TRIM46: variants seen among roughly 807,000 people sequenced by gnomAD.
The protein encoded by TRIM46 is tripartite motif-containing protein 46.
In TRIM46, 17 loss-of-function variants were observed where a neutral mutation model predicts 69.7. The ratio of observed to expected loss-of-function variants is 0.24; its 90% CI spans 0.17 to 0.37. TRIM46 has a LOEUF of 0.37. Among genes scored for constraint, TRIM46 ranks in the 10% least tolerant of loss-of-function variants. The pLI, the probability that TRIM46 is intolerant of heterozygous loss-of-function variation, is 1.00. For synonymous variants in TRIM46, 391 were observed against 429.0 expected (o/e 0.91, Z 1.09); for missense variants, 675 against 1,025.1 (o/e 0.66, Z 4.66).
Position 155,175,953 on chromosome 1 carries a change from C to G in TRIM46, c.391C>G (p.Pro131Ala), listed in dbSNP as rs147520018. 2.2e-5 allele frequency: 35 copies of G among 1,608,900 alleles called. No individual in the cohort carries two copies. In the Middle Eastern group the frequency reaches 1.7e-3, roughly 76 times the overall value. ...CCCCCAAGTGATCATGTTCCCGTGC[C>G]CAGCCTGCCAAGGTGATGTGGAGCT... is the stretch of plus-strand genomic sequence containing the variant. ...LHPQVIMFPC[P>A]ACQGDVELGE... Residue 131 changes from proline (P) to alanine (A), a missense_variant, in exon 3 of 10, where the codon CCA (proline) becomes GCA (alanine). Transcript: ENST00000334634. This position sits in a 1 kb window ranked among gnomAD's most constrained non-coding sequence, Gnocchi z 4.2.
chr1:155,177,191 T>G lies in TRIM46; in HGVS notation c.814-4T>G, dbSNP rs1360260345. ...TTGATGCCCACCTCTTTCTTCCCCC[T>G]CAGGACAAGCTGACAAAGAGCCTGA... On this transcript the variant is annotated splice_region_variant and splice_polypyrimidine_tract_variant and intron_variant, in intron 4 of 9. Transcript: ENST00000334634. 1.9e-6 allele frequency: 3 copies of G among 1,613,996 alleles called. No homozygotes were observed.
chr1:155,176,673 A>G (rs1212325008), intron 3 of TRIM46, among the ~76,000 whole-genome samples: 1 of 152,254 alleles, frequency 6.6e-6, no homozygotes, highest in African/African-American at 2.4e-5. Flanking sequence ...AATTGGCATC[A>G]TTATTACTGT....
intron 9 of TRIM46, chr1:155,182,586 A>T (rs1666246345): frequency 4.6e-6 from 1 of 217,590 alleles, no homozygotes; most frequent in African/African-American, 2.3e-5. Flanking sequence ...CACGCCTGTA[A>T]TCCCAGCACT....
At position 155,176,091 on chromosome 1, in the gene TRIM46, C is replaced by T. The variant is rs778230927; in HGVS notation, c.529C>T (p.Pro177Ser). ...TGCCATCCTGTGCCAGTTGTGCAAG[C>T]CCCCACCACTAGAGGCCACCAAGGG... ...GGAILCQLCK[P>S]PPLEATKGCT... The change falls in exon 3 of 10, where the codon CCC becomes TCC. Residue 177 changes from proline (P) to serine (S), a missense_variant. Transcript: ENST00000334634. The T allele has an allele frequency of 1.9e-6, 3 of 1,614,014 alleles. No homozygotes were observed. The highest frequency in any genetic ancestry group is 1.3e-5 in the African/African-American group (1 of 74,906).
intron 8 of TRIM46, among the ~76,000 whole-genome samples, chr1:155,180,801 T>C (rs898881218): frequency 6.6e-6 from 1 of 151,716 alleles, no homozygotes; most frequent in Non-Finnish European, 1.5e-5. Context: ...TCCCAGCTAC[T>C]TGGGAGGCTG....
In TRIM46 at chr1:155,179,670, G is replaced by T. The variant is rs1198439143; in HGVS notation, c.1324G>T (p.Ala442Ser). ...CGTCATTGACACCCAGCGCACCTTT[G>T]CCTATGATCAGATCTTCCTGTGCTG... ...APVIDTQRTF[A>S]YDQIFLCWRL... The change falls in exon 8 of 10, where the codon GCC becomes TCC. Residue 442 changes from alanine to serine, a missense_variant. Transcript: ENST00000334634. 10 of 1,612,158 alleles carry T rather than the reference G, an allele frequency of 6.2e-6. No individual in the cohort carries two copies. Among genetic ancestry groups the T allele is most frequent in the Non-Finnish European group, 8.5e-6 (10 of 1,179,276 alleles).
rs200844064 is a variant in TRIM46, at chr1:155,176,877, T to C, written c.670-55T>C. 5,943 of 1,592,986 alleles carry C rather than the reference T, an allele frequency of 3.7e-3. 22 individuals carry two copies. Among genetic ancestry groups the C allele is most frequent in the Non-Finnish European group, 4.7e-3 (5,482 of 1,163,702 alleles). On this transcript the variant is annotated intron_variant, in intron 3 of 9. Transcript: ENST00000334634. Reference sequence around the variant, plus strand: ...GCACCAAACTGCTGTAGTGGTAGCATAGCACCCTTACCCACACCATTGTCT... The same window carrying C: ...GCACCAAACTGCTGTAGTGGTAGCACAGCACCCTTACCCACACCATTGTCT...
intron 8 of TRIM46, 59 bp downstream of exon 8, chr1:155,179,993 C>A: frequency 6.6e-7 from 1 of 1,509,936 alleles, no homozygotes; most frequent in Non-Finnish European, 8.9e-7. Context: ...GGGCCTAGGC[C>A]CTGACGGTTG....
rs1481112727 is a variant in TRIM46, at chr1:155,183,757, C to A, written c.1887-40C>A. ...CCCTCTGGTACCTCATCCGTCACTCCATCCCTCAACAATCTCGTCCCCAAC... is the reference window on the plus strand; with the variant it reads ...CCCTCTGGTACCTCATCCGTCACTCAATCCCTCAACAATCTCGTCCCCAAC... On this transcript the variant is annotated intron_variant, in intron 9 of 9. Coordinates refer to ENST00000334634, the MANE Select transcript of TRIM46 (RefSeq NM_025058.5). 4 of 1,593,774 alleles carry A rather than the reference C, an allele frequency of 2.5e-6. No homozygotes were observed. In the African/African-American group the frequency reaches 4.0e-5, roughly 16 times the overall value.
intron 8 of TRIM46, 87 bp downstream of exon 8, chr1:155,180,021 A>G (rs903742688): frequency 2.3e-5 from 33 of 1,408,704 alleles, no homozygotes; most frequent in Non-Finnish European, 3.1e-5. Context: ...TGGCCGCTAG[A>G]GAGGCCATAT....
In TRIM46 at chr1:155,175,651, G is replaced by T. The variant is rs1571731608; in HGVS notation, c.325+4G>T. 1 of 1,613,562 alleles carries T rather than the reference G, an allele frequency of 6.2e-7. No individual in the cohort carries two copies. Among genetic ancestry groups the T allele is most frequent in the African/African-American group, 1.3e-5 (1 of 75,058 alleles). ...CTGGACCGGCTGCTTAAGTCAGGTG[G>T]GACTGGGGCCTGTAGGGTGGGGATG... On this transcript the variant is annotated splice_donor_region_variant and intron_variant, in intron 2 of 9. Coordinates refer to ENST00000334634, the MANE Select transcript of TRIM46 (RefSeq NM_025058.5). This position sits in a 1 kb window ranked among gnomAD's most constrained non-coding sequence, Gnocchi z 4.2.
At chr1:155,178,739 T>TTGGGGGCCCCCCCCCCCCCC in intron 7 of TRIM46, 126 bp downstream of exon 7, 1 of 1,348,472 alleles carries the variant, frequency 7.4e-7, no homozygotes, top group Non-Finnish European at 1.0e-6. Context: ...CAGCCATTCC[T>TTGGGGGCCCCCCCCCCCCCC]CCCACCCAGC....
chr1:155,183,778 C>T lies in TRIM46; in HGVS notation c.1887-19C>T. On this transcript the variant is annotated intron_variant, in intron 9 of 9. Coordinates refer to ENST00000334634, the MANE Select transcript of TRIM46 (RefSeq NM_025058.5). ...ACTCCATCCCTCAACAATCTCGTCC[C>T]CAACACCCGCTTCTGCAGGTACGAC... The T allele has an allele frequency of 6.3e-7, 1 of 1,597,968 alleles. No individual in the cohort carries two copies. The highest frequency in any genetic ancestry group is 1.1e-5 in the South Asian group (1 of 90,938).
chr1:155,182,251 G>GGT, intron 9 of TRIM46, 102 bp downstream of exon 9: 1 of 1,022,006 alleles, frequency 9.8e-7, no homozygotes, highest in Non-Finnish European at 1.4e-6. Flanking sequence ...GTGGGGCTGG[G>GGT]AGGGGATTAG....
Position 155,178,189 on chromosome 1 carries a change from C to T in TRIM46, c.1097C>T (p.Ala366Val). ...GATGGCTCAGGTCTGGTGGGCTATG[C>T]CCAGGAAGTACTTAAGGAAACAGAC... ...LLDGSGLVGYAQEVLKETDQP... is the reference protein window; with the variant it reads ...LLDGSGLVGYVQEVLKETDQP... The change falls in exon 6 of 10, where the codon GCC (alanine) becomes GTC (valine). Residue 366 changes from alanine to valine, a missense_variant. Transcript: ENST00000334634. 1 of 1,613,600 alleles carries T rather than the reference C, an allele frequency of 6.2e-7. No homozygotes were observed. Among genetic ancestry groups the T allele is most frequent in the African/African-American group, 1.3e-5 (1 of 75,012 alleles).
chr1:155,174,637 C>A (rs768996935), intron 1 of TRIM46: 7 of 1,524,622 alleles, frequency 4.6e-6, no homozygotes, highest in Non-Finnish European at 6.1e-6. Flanking sequence ...AAGAGAGGGA[C>A]CAAGGTGAGG....
rs749405384 is a variant in TRIM46 at position 155,182,164 on chromosome 1, G to T, written c.1886+15G>T. On this transcript the variant is annotated intron_variant, in intron 9 of 9. Coordinates refer to ENST00000334634, the MANE Select transcript of TRIM46 (RefSeq NM_025058.5). The stretch of plus-strand genomic sequence containing the variant: ...ATCAGCCCCAGGTCAGACCCCTCTG[G>T]AAGGGATGGGGTGTGGGGGTCCTGG... 6.2e-7 allele frequency: 1 copy of T among 1,608,700 alleles called. No individual in the cohort carries two copies. The highest frequency in any genetic ancestry group is 1.7e-5 in the Admixed American group (1 of 59,806).
rs1365870826 is a variant in TRIM46, at chr1:155,177,014, T to G, written c.752T>G (p.Val251Gly). ...CQRLVCQLCR[V>G]RRTHSGHKIT... ...CGCCTGGTATGTCAACTCTGCCGGG[T>G]GCGGCGCACCCACAGCGGGCACAAG... The change falls in exon 4 of 10, where the codon GTG becomes GGG. Residue 251 changes from valine (V) to glycine (G), a missense_variant. Around this residue, in one of 5 missense-constraint regions of TRIM46, gnomAD observed 361 missense variants for 498.3 expected, o/e 0.72. Coordinates refer to ENST00000334634, the MANE Select transcript of TRIM46 (RefSeq NM_025058.5). The G allele has an allele frequency of 6.2e-7, 1 of 1,614,168 alleles. No individual in the cohort carries two copies. Among genetic ancestry groups the G allele is most frequent in the Admixed American group, 1.7e-5 (1 of 60,016 alleles).
chr1:155,181,778 C>T lies in TRIM46; in HGVS notation c.1589-74C>T. On this transcript the variant is annotated intron_variant, in intron 8 of 9. Coordinates refer to ENST00000334634, the MANE Select transcript of TRIM46 (RefSeq NM_025058.5). The surrounding 1 kb of genome is among the most constrained non-coding windows in gnomAD (Gnocchi z 4.3). ...CCCTTGCAACGCGTTCCCTGTTCTG[C>T]AGTCTCACAGCCCCCAGTGCCAGTG... 6.6e-7 allele frequency: 1 copy of T among 1,516,626 alleles called. No homozygotes were observed. Among genetic ancestry groups the T allele is most frequent in the Non-Finnish European group, 9.0e-7 (1 of 1,116,344 alleles). The allele number at this position is 1,516,626 out of a possible 1,614,324, so 93.9% of individuals were successfully genotyped here. A position where few individuals can be genotyped will look rare whatever the true frequency, so the allele number is the denominator to read the frequency against.
Sources: allele counts gnomAD v4.1 joint callset (sites outside exome capture counted in the v4.1 genomes callset), GRCh38; gene constraint gnomAD v4.1.1; regional missense constraint gnomAD v4.1.1; non-coding constraint Gnocchi (gnomAD v3.1); transcripts MANE v1.5; gene names NCBI Gene and HGNC (gene_info 2026-07-23, HGNC 2026-07-21).